The following NTF4 variants were observed in gnomAD, a reference collection of about 807,000 sequenced individuals.
NTF4 encodes the protein neurotrophin 4, also known as neurotrophin-4.
A neutral mutation model predicts 4.4 loss-of-function variants in NTF4; 2 were observed. The ratio of observed to expected loss-of-function variants is 0.46; its 90% CI spans 0.19 to 1.44. NTF4 has a LOEUF of 1.44. Ranked by LOEUF, NTF4 falls within the 40% of genes most tolerant of loss-of-function variation. The pLI is 0.26. For synonymous variants in NTF4, 127 were observed against 122.0 expected (o/e 1.04, Z -0.27); for missense variants, 260 against 293.0 (o/e 0.89, Z 0.82).
upstream of NTF4, among the ~76,000 whole-genome samples, chr19:49,062,694 C>A (rs2040168261): frequency 6.6e-6 from 1 of 150,752 alleles, no homozygotes; most frequent in African/African-American, 2.4e-5. Context: ...TGAGGCAGGG[C>A]AATCACTTGA....
rs779438922 is a variant in NTF4, at chr19:49,061,954, A to G, written c.44T>C (p.Phe15Ser). ...CTCAATTGGCACACTGGGGAGGAGG[A>G]AAAGGAGGAGGATGGGGAGGGAGCA... Residue 15 changes from phenylalanine to serine, a missense_variant, in exon 1 of 1, where the codon TTC becomes TCC. Transcript: ENST00000593537. The surrounding 1 kb of genome is among the most constrained non-coding windows in gnomAD (Gnocchi z 4.9). 3.3e-6 allele frequency: 5 copies of G among 1,504,300 alleles called. No individual in the cohort carries two copies. The South Asian group carries it at 6.3e-5, about 19-fold the overall frequency. The allele number at this position is 1,504,300 out of a possible 1,614,324, so 93.2% of individuals were successfully genotyped here.
Position 49,061,749 on chromosome 19 carries a change from G to C in NTF4, c.249C>G (p.Ser83Arg). Residue 83 changes from serine to arginine, a missense_variant, in exon 1 of 1, where the codon AGC becomes AGG. Ser to Arg is a moderately radical substitution (Grantham distance 110). Coordinates refer to ENST00000593537, the Ensembl canonical transcript of NTF4. The surrounding 1 kb of genome is among the most constrained non-coding windows in gnomAD (Gnocchi z 4.9). ...CCCGACGACTCGCTGGTGCAGTTTC[G>C]CTCACCCCACGCCGGCTGCGGTTGG... 1.2e-6 allele frequency: 2 copies of C among 1,606,704 alleles called. No homozygotes were observed. The highest frequency in any genetic ancestry group is 1.7e-6 in the Non-Finnish European group (2 of 1,177,262).
downstream of NTF4, among the ~76,000 whole-genome samples, chr19:49,059,611 G>A (rs771360266): frequency 6.6e-5 from 10 of 152,162 alleles, no homozygotes; most frequent in African/African-American, 9.7e-5. Flanking sequence ...GTATAGATGC[G>A]GGGAGAAGTT....
chr19:49,062,348 C>A (rs2040163091), upstream of NTF4, among the ~76,000 whole-genome samples: 1 of 152,110 alleles, frequency 6.6e-6, no homozygotes, highest in South Asian at 2.1e-4. Flanking sequence ...ATTAACCGGG[C>A]ATAGTGCTGC....
downstream of NTF4, among the ~76,000 whole-genome samples, chr19:49,060,002 A>G (rs2040113167): frequency 8.0e-6 from 1 of 125,250 alleles, no homozygotes; most frequent in South Asian, 2.8e-4. Context: ...ACACCACTGC[A>G]CTCCAGCCTG....
upstream of NTF4, among the ~76,000 whole-genome samples, chr19:49,062,463 G>A (rs1287664541): frequency 6.6e-6 from 1 of 152,138 alleles, no homozygotes; most frequent in African/African-American, 2.4e-5. Flanking sequence ...CCTGCCACCT[G>A]GGCGACAAGA....
downstream of NTF4, chr19:49,060,903 TGTGGGCCAC>T (rs1296596026): frequency 5.2e-6 from 1 of 191,560 alleles, no homozygotes; most frequent in East Asian, 1.4e-4. Context: ...AAAGGCCTTC[TGTGGGCCAC>T]GTTCTCAAGG....
Position 49,061,522 on chromosome 19 carries a change from C to G in NTF4, c.476G>C (p.Arg159Pro). ...TACCCAGTGCCTCCTGTCCACTCCC[C>G]GGCAGCCCCCTCCACCTGCCCCCGG... The change falls in exon 1 of 1, where the codon CGG (arginine) becomes CCG (proline). Residue 159 changes from arginine to proline, a missense_variant. Arg to Pro is a moderately radical substitution (Grantham distance 103). Transcript: ENST00000593537. The surrounding 1 kb of genome is among the most constrained non-coding windows in gnomAD (Gnocchi z 4.9). The G allele has an allele frequency of 6.2e-7, 1 of 1,614,162 alleles. No individual in the cohort carries two copies. The highest frequency in any genetic ancestry group is 8.5e-7 in the Non-Finnish European group (1 of 1,180,034).
At chr19:49,060,354 G>A (rs1435173404), downstream of NTF4, among the ~76,000 whole-genome samples, 1 of 151,920 alleles carries the variant, frequency 6.6e-6, no homozygotes, top group African/African-American at 2.4e-5. Flanking sequence ...TTTTTGAAAT[G>A]GAGTTTCGCT....
At chr19:49,062,494 T>TA (rs541610707), upstream of NTF4, among the ~76,000 whole-genome samples, 3 of 149,848 alleles carry the variant, frequency 2.0e-5, no homozygotes, top group Non-Finnish European at 4.4e-5. Context: ...GTCTCAAAAG[T>TA]AAAAATAAGG....
Position 49,061,557 on chromosome 19 carries a change from C to T in NTF4, c.441G>A (p.Glu147=). 2 of 1,614,184 alleles carry T rather than the reference C, an allele frequency of 1.2e-6. No individual in the cohort carries two copies. Among genetic ancestry groups the T allele is most frequent in the African/African-American group, 1.3e-5 (1 of 75,070 alleles). Residue 147 remains glutamate, a synonymous_variant, in exon 1 of 1, where the codon GAG becomes GAA. Coordinates refer to ENST00000593537, the Ensembl canonical transcript of NTF4. The surrounding 1 kb of genome is among the most constrained non-coding windows in gnomAD (Gnocchi z 4.9). ...CTCCACCTGCCCCCGGGCCACCTTCCTCAGCGTTATCAGCCTTGCAGCGGG... is the reference window on the plus strand; with the variant it reads ...CTCCACCTGCCCCCGGGCCACCTTCTTCAGCGTTATCAGCCTTGCAGCGGG...
downstream of NTF4, chr19:49,060,642 C>T (rs938539600): frequency 1.3e-5 from 2 of 152,080 alleles, no homozygotes; most frequent in African/African-American, 4.8e-5. Context: ...GGCCATCAAG[C>T]TGGAAAATTT....
upstream of NTF4, among the ~76,000 whole-genome samples, chr19:49,063,316 ATTT>A (rs1205338872): frequency 5.3e-5 from 7 of 132,884 alleles, no homozygotes; most frequent in South Asian, 7.3e-4. Flanking sequence ...CCCAAACAAA[ATTT>A]TTTTTTTTTT....
chr19:49,061,260 A>AT lies in NTF4; in HGVS notation c.*104dup. On this transcript the variant is annotated 3_prime_UTR_variant, in exon 1 of 1. Transcript: ENST00000593537. This position sits in a 1 kb window ranked among gnomAD's most constrained non-coding sequence, Gnocchi z 4.9. The stretch of plus-strand genomic sequence containing the variant: ...TTGAGCTCAAAATCAGAGAATTGTG[A>AT]TTTTGTGATTATTTGATGAGTTCCC... The AT allele has an allele frequency of 1.3e-6, 2 of 1,553,578 alleles. No homozygotes were observed. The highest frequency in any genetic ancestry group is 2.3e-4 in the Middle Eastern group (1 of 4,366).
upstream of NTF4, among the ~76,000 whole-genome samples, chr19:49,062,940 C>A (rs1211735028): frequency 6.6e-6 from 1 of 152,176 alleles, no homozygotes; most frequent in Admixed American, 6.5e-5. Flanking sequence ...CTCTGGGCAA[C>A]TGCACTCTGC....
chr19:49,062,404 C>T (rs2040163885), upstream of NTF4, among the ~76,000 whole-genome samples: 1 of 152,224 alleles, frequency 6.6e-6, no homozygotes, highest in Admixed American at 6.5e-5. Context: ...AGGAGAATCA[C>T]TTGAACCCAG....
downstream of NTF4, among the ~76,000 whole-genome samples, chr19:49,059,181 G>A (rs1453405742): frequency 6.6e-6 from 1 of 152,126 alleles, no homozygotes; most frequent in African/African-American, 2.4e-5. Flanking sequence ...CCTCTGCCAG[G>A]CCTGCCCACC....
chr19:49,062,360 C>T (rs533584902), upstream of NTF4, among the ~76,000 whole-genome samples: 30 of 152,266 alleles, frequency 2.0e-4, 1 homozygote, highest in South Asian at 2.3e-3. Flanking sequence ...TAGTGCTGCA[C>T]GCCTGTAATC....
At chr19:49,060,946 T>C (rs370634022), downstream of NTF4, 9 of 210,952 alleles carry the variant, frequency 4.3e-5, no homozygotes, top group South Asian at 7.0e-4. Flanking sequence ...TGCTTGCCTG[T>C]TCTAGTTTCT....
Sources: allele counts gnomAD v4.1 joint callset (sites outside exome capture counted in the v4.1 genomes callset), GRCh38; gene constraint gnomAD v4.1.1; non-coding constraint Gnocchi (gnomAD v3.1); transcripts MANE v1.5; gene names NCBI Gene and HGNC (gene_info 2026-07-23, HGNC 2026-07-21).